Variants in RASGRF2 observed in about 807,000 individuals in gnomAD.
RASGRF2 encodes ras-specific guanine nucleotide-releasing factor 2.
Under a neutral mutation model 151.0 loss-of-function variants are expected in RASGRF2, and 76 were observed. The observed-to-expected ratio is 0.50, with a 90% CI of 0.42 to 0.61. The LOEUF is 0.61. Ranked by LOEUF, RASGRF2 falls within the 20% of genes least tolerant of loss-of-function variation. The pLI is 0.00. For missense variants in RASGRF2, 1,148 were observed against 1,564.6 expected (o/e 0.73, Z 4.49); for synonymous variants, 504 against 566.5 (o/e 0.89, Z 1.57).
intron 16 of RASGRF2, 68 bp downstream of exon 16, chr5:81,123,835 T>G (rs1190353543): frequency 6.7e-7 from 1 of 1,482,570 alleles, no homozygotes; most frequent in Non-Finnish European, 9.1e-7. Context: ...AACCTTTCCT[T>G]TGCCTAATTG....
At chr5:81,051,288 G>A (rs1751001717) in intron 2 of RASGRF2, among the ~76,000 whole-genome samples, 1 of 152,060 alleles carries the variant, frequency 6.6e-6, no homozygotes. Flanking sequence ...TACTTTTGGG[G>A]GGAAGTTGTT....
chr5:81,051,462 A>C (rs1751008594), intron 2 of RASGRF2, among the ~76,000 whole-genome samples: 1 of 152,162 alleles, frequency 6.6e-6, no homozygotes, highest in Admixed American at 6.5e-5. Flanking sequence ...AAGAAACCCC[A>C]TATCCGATAG....
intron 18 of RASGRF2, among the ~76,000 whole-genome samples, chr5:81,196,126 G>A (rs1755259753): frequency 6.6e-6 from 1 of 152,226 alleles, no homozygotes; most frequent in Non-Finnish European, 1.5e-5. Context: ...GGGCGTGGTG[G>A]TGTGCACCTG....
At chr5:81,195,137 G>C (rs934051429) in intron 18 of RASGRF2, among the ~76,000 whole-genome samples, 2 of 152,186 alleles carry the variant, frequency 1.3e-5, no homozygotes, top group African/African-American at 2.4e-5. Context: ...GTGCGGCTTC[G>C]TGTCATAAAC....
chr5:81,032,415 A>G (rs1385305236), intron 1 of RASGRF2, among the ~76,000 whole-genome samples: 3 of 152,196 alleles, frequency 2.0e-5, no homozygotes, highest in East Asian at 1.9e-4. Context: ...CTGGCAAACC[A>G]AATTCAGCAG....
chr5:81,161,811 A>T (rs1367864255), intron 17 of RASGRF2, among the ~76,000 whole-genome samples: 1 of 152,148 alleles, frequency 6.6e-6, no homozygotes, highest in African/African-American at 2.4e-5. Context: ...AGATGTTATT[A>T]ATATAAACAT....
chr5:81,051,093 C>A (rs1204199266), intron 2 of RASGRF2, among the ~76,000 whole-genome samples: 1 of 152,038 alleles, frequency 6.6e-6, no homozygotes, highest in Admixed American at 6.6e-5. Context: ...CATCTCATGT[C>A]CTTTTCCCAT....
intron 18 of RASGRF2, among the ~76,000 whole-genome samples, chr5:81,198,250 C>T (rs557804338): frequency 6.6e-6 from 1 of 152,170 alleles, no homozygotes; most frequent in African/African-American, 2.4e-5. Context: ...GGAAGTTTTC[C>T]AGCCCTTGCC....
At chr5:81,105,659 C>T (rs1478718219) in intron 12 of RASGRF2, among the ~76,000 whole-genome samples, 1 of 152,170 alleles carries the variant, frequency 6.6e-6, no homozygotes, top group African/African-American at 2.4e-5. Context: ...GTTGGTTACC[C>T]AAGGGGCTTC....
In RASGRF2 at chr5:81,113,903, A is replaced by G; in HGVS notation, c.2453A>G (p.Lys818Arg). 1 of 1,613,458 alleles carries G rather than the reference A, an allele frequency of 6.2e-7. No individual in the cohort carries two copies. Among genetic ancestry groups the G allele is most frequent in the Non-Finnish European group, 8.5e-7 (1 of 1,179,644 alleles). Residue 818 changes from lysine (K) to arginine (R), a missense_variant, in exon 15 of 27, where the codon AAA (lysine) becomes AGA (arginine). Transcript: ENST00000265080. Reference protein sequence around the residue: ...NPRVDLCNKLKRSIQKAVLES... With the variant: ...NPRVDLCNKLRRSIQKAVLES... ...CGCGTGGATCTGTGTAACAAGCTAA[A>G]ACGAAGTATTCAAAAAGGTATTATC... is the stretch of plus-strand genomic sequence containing the variant.
At chr5:81,107,039 AAC>A (rs1223523102) in intron 12 of RASGRF2, among the ~76,000 whole-genome samples, 4 of 151,984 alleles carry the variant, frequency 2.6e-5, no homozygotes, top group Non-Finnish European at 4.4e-5. Flanking sequence ...GTTTATACAA[AAC>A]AGTTTGCCAA....
At chr5:81,185,180 TC>T (rs943649294) in intron 18 of RASGRF2, among the ~76,000 whole-genome samples, 2 of 152,098 alleles carry the variant, frequency 1.3e-5, no homozygotes, top group African/African-American at 4.8e-5. Flanking sequence ...GAGAGAGGCA[TC>T]TGTGTAAGTT....
intron 12 of RASGRF2, 114 bp downstream of exon 12, chr5:81,095,106 G>A: frequency 1.4e-6 from 1 of 695,528 alleles, no homozygotes; most frequent in Non-Finnish European, 2.0e-6. Context: ...CAGTTGCTAT[G>A]GTCACTGCCA....
intron 1 of RASGRF2, among the ~76,000 whole-genome samples, chr5:81,024,665 G>C (rs1231362384): frequency 6.6e-6 from 1 of 152,182 alleles, no homozygotes; most frequent in Non-Finnish European, 1.5e-5. Context: ...GGGACAACTG[G>C]AAGAACTCTG....
At chr5:81,087,283 G>A in intron 9 of RASGRF2, 1 of 703,082 alleles carries the variant, frequency 1.4e-6, no homozygotes, top group South Asian at 1.5e-5. Context: ...GCCAAGTGCT[G>A]ACGATACCCA....
At chr5:81,041,825 G>A (rs995091830) in intron 1 of RASGRF2, among the ~76,000 whole-genome samples, 4 of 152,064 alleles carry the variant, frequency 2.6e-5, no homozygotes, top group Non-Finnish European at 5.9e-5. Context: ...TTATCACTGC[G>A]TAAGCTCCCT....
At chr5:81,048,543 C>T (rs1036575621) in intron 2 of RASGRF2, among the ~76,000 whole-genome samples, 17 of 152,174 alleles carry the variant, frequency 1.1e-4, no homozygotes, top group African/African-American at 3.9e-4. Flanking sequence ...TCCAACTTCT[C>T]AGTGTTTTTG....
At chr5:81,045,299 C>T (rs899999185) in intron 2 of RASGRF2, among the ~76,000 whole-genome samples, 3 of 152,130 alleles carry the variant, frequency 2.0e-5, no homozygotes, top group Non-Finnish European at 4.4e-5. Flanking sequence ...GAGCAGGCAC[C>T]ATCAGTAGCC....
intron 26 of RASGRF2, among the ~76,000 whole-genome samples, chr5:81,222,170 A>G (rs1755869999): frequency 1.3e-5 from 2 of 152,180 alleles, no homozygotes; most frequent in South Asian, 4.1e-4. Flanking sequence ...ATAGGAATCT[A>G]TGTGTGTATA....
Sources: allele counts gnomAD v4.1 joint callset (sites outside exome capture counted in the v4.1 genomes callset), GRCh38; gene constraint gnomAD v4.1.1; transcripts MANE v1.5; gene names NCBI Gene and HGNC (gene_info 2026-07-23, HGNC 2026-07-21).